SLC9C1: variants seen among roughly 807,000 people sequenced by gnomAD.
SLC9C1 encodes the protein sodium/hydrogen exchanger 10.
A neutral mutation model predicts 140.9 loss-of-function variants in SLC9C1; 97 were observed. That is an observed-to-expected ratio of 0.69 (90% confidence interval 0.58 to 0.82). The LOEUF (loss-of-function observed/expected upper bound fraction) is 0.82, where lower values mean the gene tolerates loss of function less well. SLC9C1 is among the 40% of genes least tolerant of loss of function. The pLI is 0.00. For missense variants in SLC9C1, 1,340 were observed against 1,389.3 expected, an observed-to-expected ratio of 0.96 and a Z score of 0.56; for synonymous variants, 440 against 442.6, an observed-to-expected ratio of 0.99 and a Z score of 0.07.
chr3:112,228,658 T>G (rs76215223), intron 13 of SLC9C1, among the ~76,000 whole-genome samples: 2,692 of 152,130 alleles, frequency 0.018, 77 homozygotes, highest in African/African-American at 0.061. Flanking sequence ...ATATCCAGAA[T>G]AGACAAAGAA....
At chr3:112,260,379 A>AT (rs951939650) in intron 10 of SLC9C1, among the ~76,000 whole-genome samples, 4 of 151,616 alleles carry the variant, frequency 2.6e-5, no homozygotes, top group African/African-American at 9.7e-5. Context: ...TCTTGAGTAT[A>AT]TTTTTTAAAG....
chr3:112,199,829 T>C (rs2077862538), intron 19 of SLC9C1, among the ~76,000 whole-genome samples: 1 of 152,082 alleles, frequency 6.6e-6, no homozygotes, highest in Admixed American at 6.6e-5. Context: ...ATCAGAATTT[T>C]TAACTACAGA....
intron 2 of SLC9C1, among the ~76,000 whole-genome samples, chr3:112,282,583 G>A (rs1354375640): frequency 2.0e-5 from 3 of 152,074 alleles, no homozygotes; most frequent in Non-Finnish European, 4.4e-5. Context: ...TCACCCTATA[G>A]TCCCAGTTTG....
intron 26 of SLC9C1, among the ~76,000 whole-genome samples, chr3:112,161,498 G>T (rs1226953936): frequency 6.6e-6 from 1 of 152,170 alleles, no homozygotes; most frequent in Non-Finnish European, 1.5e-5. Flanking sequence ...TGGCTAGCCA[G>T]TTTTCCCAGC....
At chr3:112,215,600 TCACAA>T (rs2078339491) in intron 15 of SLC9C1, among the ~76,000 whole-genome samples, 2 of 152,134 alleles carry the variant, frequency 1.3e-5, no homozygotes, top group Non-Finnish European at 2.9e-5. Context: ...GAACTCCCAT[TCACAA>T]TTGCTTCAAA....
intron 28 of SLC9C1, among the ~76,000 whole-genome samples, chr3:112,141,860 A>T (rs1335520838): frequency 2.0e-5 from 3 of 152,136 alleles, no homozygotes; most frequent in Non-Finnish European, 4.4e-5. Context: ...GACCCTTTTC[A>T]TGTTGAAAGA....
intron 14 of SLC9C1, 116 bp downstream of exon 14, chr3:112,221,012 A>G (rs1050750452): frequency 9.7e-6 from 7 of 724,306 alleles, no homozygotes; most frequent in Admixed American, 2.6e-5. Context: ...ATACTATAGT[A>G]TTAATATTAA....
chr3:112,174,106 A>G (rs895282006), intron 23 of SLC9C1, among the ~76,000 whole-genome samples: 1 of 152,188 alleles, frequency 6.6e-6, no homozygotes, highest in Non-Finnish European at 1.5e-5. Context: ...GTCGGTTCAT[A>G]TGGTTTGCCC....
rs1243995630 is a variant in SLC9C1, at chr3:112,239,858, T to G, written c.1428A>C (p.Thr476=). 3 of 1,611,886 alleles carry G rather than the reference T, an allele frequency of 1.9e-6. No individual in the cohort carries two copies. The highest frequency in any genetic ancestry group is 2.5e-6 in the Non-Finnish European group (3 of 1,179,410). ...ADWNMIEKAI[T]LENPYMLNEE... ...TGCTTACCATGTATGGGTTTTCAAGTGTAATTGCTTTCTCAATCATGTTCC... is the reference window on the plus strand; with the variant it reads ...TGCTTACCATGTATGGGTTTTCAAGGGTAATTGCTTTCTCAATCATGTTCC... Residue 476 remains threonine, a synonymous_variant, in exon 12 of 29, where the codon ACA becomes ACC. Coordinates refer to ENST00000305815, the MANE Select transcript of SLC9C1 (RefSeq NM_183061.3).
chr3:112,266,073 C>G (rs2079910277), intron 8 of SLC9C1, among the ~76,000 whole-genome samples, 165 bp downstream of exon 8: 1 of 151,914 alleles, frequency 6.6e-6, no homozygotes, highest in South Asian at 2.1e-4. Context: ...TTGGAGGATT[C>G]AAAGACACAG....
Position 112,145,212 on chromosome 3 carries a change from G to C in SLC9C1, c.3525-3931C>G, listed in dbSNP as rs188699371. 4.6e-5 allele frequency among the ~76,000 whole-genome samples: 7 copies of C among 151,046 alleles called. No homozygotes were observed. The East Asian group carries it at 1.4e-3, about 29-fold the overall frequency. ...AAGCTTTCTCTATGTCTATGGAGAT[G>C]ATCATATGGTTTTGTTTTTGATTCT... On this transcript the variant is annotated intron_variant, in intron 28 of 28. Coordinates refer to ENST00000305815, the MANE Select transcript of SLC9C1 (RefSeq NM_183061.3).
intron 26 of SLC9C1, among the ~76,000 whole-genome samples, chr3:112,161,386 G>C (rs1384221304): frequency 6.6e-6 from 1 of 152,256 alleles, no homozygotes; most frequent in East Asian, 1.9e-4. Context: ...TTTTCTTCTA[G>C]GGTTTTTATG....
At chr3:112,172,600 G>T (rs1400657273) in intron 23 of SLC9C1, among the ~76,000 whole-genome samples, 2 of 152,024 alleles carry the variant, frequency 1.3e-5, no homozygotes, top group African/African-American at 4.8e-5. Flanking sequence ...TGGAAGTGGT[G>T]AGAGTGGACA....
intron 16 of SLC9C1, among the ~76,000 whole-genome samples, chr3:112,204,751 A>G (rs1403796429): frequency 1.3e-5 from 2 of 152,136 alleles, no homozygotes; most frequent in African/African-American, 4.8e-5. Flanking sequence ...CCTAAATGCC[A>G]TAAAAATCCT....
intron 15 of SLC9C1, among the ~76,000 whole-genome samples, chr3:112,215,090 A>C (rs1351004621): frequency 1.3e-5 from 2 of 152,168 alleles, no homozygotes; most frequent in African/African-American, 4.8e-5. Flanking sequence ...AGCATATAAA[A>C]CGAACCAAAG....
intron 26 of SLC9C1, among the ~76,000 whole-genome samples, chr3:112,165,374 C>T (rs202232004): frequency 1.3e-5 from 2 of 152,186 alleles, no homozygotes; most frequent in Non-Finnish European, 2.9e-5. Context: ...AGTTTTTCTG[C>T]TCTGTTTTTT....
At chr3:112,256,139 A>G (rs2079600624) in intron 10 of SLC9C1, among the ~76,000 whole-genome samples, 1 of 152,142 alleles carries the variant, frequency 6.6e-6, no homozygotes, top group South Asian at 2.1e-4. Context: ...GGCTAATTCT[A>G]CCAGATACAC....
intron 26 of SLC9C1, among the ~76,000 whole-genome samples, chr3:112,157,935 T>C (rs1176792700): frequency 6.6e-6 from 1 of 152,012 alleles, no homozygotes; most frequent in African/African-American, 2.4e-5. Context: ...CTTAGGTTTT[T>C]CTAAGTATGC....
rs548772568 is a variant in SLC9C1 at position 112,242,053 on chromosome 3, C to T, written c.1279+1942G>A. Among the ~76,000 whole-genome samples, 3 of 152,202 alleles carry T rather than the reference C, an allele frequency of 2.0e-5. No individual in the cohort carries two copies. In the South Asian group the frequency reaches 6.2e-4, roughly 32 times the overall value. On this transcript the variant is annotated intron_variant, in intron 11 of 28. Coordinates refer to ENST00000305815, the MANE Select transcript of SLC9C1 (RefSeq NM_183061.3). ...ACCAGCCTTGAGAAATAATTTTTGG[C>T]TAAGTCCCCAAAAAAATTGTAACAA... is the stretch of plus-strand genomic sequence containing the variant.
Sources: allele counts gnomAD v4.1 joint callset (sites outside exome capture counted in the v4.1 genomes callset), GRCh38; gene constraint gnomAD v4.1.1; transcripts MANE v1.5; gene names NCBI Gene and HGNC (gene_info 2026-07-23, HGNC 2026-07-21).